The following CPSF6 variants were observed in gnomAD, a reference collection of about 807,000 sequenced individuals.
CPSF6 encodes the protein cleavage and polyadenylation specific factor 6, also known as cleavage and polyadenylation specificity factor subunit 6.
CPSF6 carries 10 observed loss-of-function variants against 56.7 expected under a neutral mutation model. The observed-to-expected ratio is 0.18, with a 90% confidence interval of 0.11 to 0.30. The LOEUF (loss-of-function observed/expected upper bound fraction) is 0.30, where lower values mean the gene tolerates loss of function less well. CPSF6 is among the 10% of genes least tolerant of loss of function. CPSF6 has a pLI of 1.00. For synonymous variants in CPSF6, 248 were observed against 244.8 expected, an observed-to-expected ratio of 1.01 and a Z score of -0.12; for missense variants, 419 against 722.9, an observed-to-expected ratio of 0.58 and a Z score of 4.82.
intron 9 of CPSF6, among the ~76,000 whole-genome samples, chr12:69,263,075 G>T (rs1872816543): frequency 8.0e-6 from 1 of 124,908 alleles, no homozygotes; most frequent in Non-Finnish European, 1.6e-5. Flanking sequence ...CATTCAAAGA[G>T]AATTTTCCTT....
In CPSF6 at chr12:69,272,250, G is replaced by A. The variant is rs181395572; in HGVS notation, c.*2742G>A. ...ATTTAATGGTCCTTTTACCTAGAAT[G>A]TTCTTAAGCAGTTAATGACAATTTG... On this transcript the variant is annotated 3_prime_UTR_variant, in exon 10 of 10. Transcript: ENST00000435070. 1 of 150,304 alleles carries A rather than the reference G, an allele frequency of 6.7e-6. No homozygotes were observed. Among genetic ancestry groups the A allele is most frequent in the Admixed American group, 6.6e-5 (1 of 15,044 alleles). 9.3% of individuals were successfully genotyped at this position (150,304 alleles called of 1,614,324 possible).
At position 69,257,924 on chromosome 12, in the gene CPSF6, T is replaced by C; in HGVS notation, c.694+19T>C. The C allele has an allele frequency of 6.3e-7, 1 of 1,588,788 alleles. No individual in the cohort carries two copies. The highest frequency in any genetic ancestry group is 8.5e-7 in the Non-Finnish European group (1 of 1,169,978). ...TTTCCAGGTAAAACTTTTCTTAAAT[T>C]ACCATGGATAAAACATGTCTACCTA... is the stretch of plus-strand genomic sequence containing the variant. On this transcript the variant is annotated intron_variant, in intron 5 of 9. Coordinates refer to ENST00000435070, the MANE Select transcript of CPSF6 (RefSeq NM_007007.3).
Position 69,261,059 on chromosome 12 carries a change from T to C in CPSF6, c.1469+862T>C, listed in dbSNP as rs146986949. Among the ~76,000 whole-genome samples the C allele has an allele frequency of 3.1e-3, 473 of 152,356 alleles. 1 individual carries two copies. The highest frequency in any genetic ancestry group is 0.011 in the African/African-American group (454 of 41,588). On this transcript the variant is annotated intron_variant, in intron 8 of 9. Coordinates refer to ENST00000435070, the MANE Select transcript of CPSF6 (RefSeq NM_007007.3). ...TTTTTTTTCTTTTTAGCATTGCTGCTAACTTTGAAATTTTATATATTTTTG... is the reference window on the plus strand; with the variant it reads ...TTTTTTTTCTTTTTAGCATTGCTGCCAACTTTGAAATTTTATATATTTTTG...
chr12:69,260,007 A>G, intron 7 of CPSF6, 37 bp from the exon 8 acceptor site: 1 of 1,601,106 alleles, frequency 6.2e-7, no homozygotes, highest in South Asian at 1.1e-5. Flanking sequence ...TGAAAACAAA[A>G]TTTGTTTGAC....
chr12:69,262,122 T>TA (rs3214839), intron 8 of CPSF6, among the ~76,000 whole-genome samples: 83,622 of 151,978 alleles, frequency 0.55, 23,259 homozygotes, highest in East Asian at 0.73. Context: ...GCTACTAGTT[T>TA]AATAGATGAT....
chr12:69,268,596 A>G (rs1196049304), intron 9 of CPSF6, among the ~76,000 whole-genome samples: 1 of 151,766 alleles, frequency 6.6e-6, no homozygotes, highest in Non-Finnish European at 1.5e-5. Context: ...TGCCCTCTTG[A>G]CTCTTAAATC....
At position 69,258,810 on chromosome 12, in the gene CPSF6, C is replaced by T. The variant is rs1290810365; in HGVS notation, c.915C>T (p.Pro305=). The stretch of plus-strand genomic sequence containing the variant: ...CACCTCCAGTTCCAGGCTACGGCCC[C>T]CCTCCTGGCCCACCACCTCCACAAC... The part of the protein sequence containing the change: ...GPPPPVPGYG[P]PPGPPPPQQG... Residue 305 remains proline (P), a synonymous_variant, in exon 6 of 10, where the codon CCC becomes CCT. Coordinates refer to ENST00000435070, the MANE Select transcript of CPSF6 (RefSeq NM_007007.3). The surrounding 1 kb of genome is among the most constrained non-coding windows in gnomAD (Gnocchi z 4.2). 1.2e-6 allele frequency: 2 copies of T among 1,613,806 alleles called. No homozygotes were observed. Among genetic ancestry groups the T allele is most frequent in the South Asian group, 1.1e-5 (1 of 91,048 alleles).
chr12:69,264,903 TG>T (rs1872899258), intron 9 of CPSF6, among the ~76,000 whole-genome samples: 1 of 152,176 alleles, frequency 6.6e-6, no homozygotes, highest in African/African-American at 2.4e-5. Context: ...AAATCTTAAA[TG>T]GACCAAATGG....
At chr12:69,245,980 C>A (rs932232780) in intron 1 of CPSF6, among the ~76,000 whole-genome samples, 3 of 152,150 alleles carry the variant, frequency 2.0e-5, no homozygotes, top group African/African-American at 7.2e-5. Context: ...CCAGCTACTT[C>A]AGAGGCTGAG....
chr12:69,259,950 T>G, intron 7 of CPSF6, 94 bp from the exon 8 acceptor site: 1 of 1,303,862 alleles, frequency 7.7e-7, no homozygotes. Flanking sequence ...CACAGTACTT[T>G]TGTAAAATGC....
chr12:69,240,973 G>A (rs1871588860), intron 1 of CPSF6, among the ~76,000 whole-genome samples: 1 of 152,164 alleles, frequency 6.6e-6, no homozygotes, highest in Non-Finnish European at 1.5e-5. Flanking sequence ...CCTATGAGAA[G>A]TTTAATGAAA....
chr12:69,255,669 C>T (rs1197089819), intron 3 of CPSF6, among the ~76,000 whole-genome samples: 5 of 152,162 alleles, frequency 3.3e-5, no homozygotes, highest in East Asian at 3.9e-4. Flanking sequence ...AGCCTCCCAG[C>T]GTGGGACTAC....
At chr12:69,247,119 A>AG (rs1871950481) in intron 1 of CPSF6, among the ~76,000 whole-genome samples, 2 of 103,894 alleles carry the variant, frequency 1.9e-5, no homozygotes, top group South Asian at 4.1e-4. Context: ...AGGGGTAATT[A>AG]GGGAAAAAAT....
In CPSF6 at chr12:69,271,156, A is replaced by G. The variant is rs891658035; in HGVS notation, c.*1648A>G. On this transcript the variant is annotated 3_prime_UTR_variant, in exon 10 of 10. Transcript: ENST00000435070. ...TTTTAAAATATTTTGTGTTTGAAGT[A>G]TCTGTGCATGGGATCGTTGATGTTT... 3.3e-5 allele frequency: 5 copies of G among 152,214 alleles called. No homozygotes were observed. The highest frequency in any genetic ancestry group is 4.8e-5 in the African/African-American group (2 of 41,430). The allele number at this position is 152,214 out of a possible 1,614,324, so 9.4% of individuals were successfully genotyped here.
At chr12:69,250,621 AGAAAT>A (rs1368326072) in intron 1 of CPSF6, among the ~76,000 whole-genome samples, 1 of 141,238 alleles carries the variant, frequency 7.1e-6, no homozygotes, top group African/African-American at 2.7e-5. Flanking sequence ...AAAAAAGAAA[AGAAAT>A]AAAGGAAACC....
rs1168862264 is a variant in CPSF6, at chr12:69,239,585, C to G, written c.-62C>G. 6.6e-7 allele frequency: 1 copy of G among 1,523,026 alleles called. No individual in the cohort carries two copies. The highest frequency in any genetic ancestry group is 8.8e-7 in the Non-Finnish European group (1 of 1,136,020). The allele number at this position is 1,523,026 out of a possible 1,614,324, so 94.3% of individuals were successfully genotyped here. On this transcript the variant is annotated 5_prime_UTR_variant, in exon 1 of 10. Coordinates refer to ENST00000435070, the MANE Select transcript of CPSF6 (RefSeq NM_007007.3). ...CCCACCGCCGCTAGATCCGCTGCTGCTGCCGCGGCGGGCAGACCTGCAGGA... is the reference window on the plus strand; with the variant it reads ...CCCACCGCCGCTAGATCCGCTGCTGGTGCCGCGGCGGGCAGACCTGCAGGA...
chr12:69,259,115 G>A (rs770489599), intron 6 of CPSF6, 21 bp downstream of exon 6: 1 of 1,579,868 alleles, frequency 6.3e-7, no homozygotes, highest in South Asian at 1.1e-5. Context: ...GTGTATCTGT[G>A]AAAGTACTTG....
Position 69,258,948 on chromosome 12 carries a change from A to G in CPSF6, c.1053A>G (p.Pro351=), listed in dbSNP as rs2231698. Residue 351 remains proline, a synonymous_variant, in exon 6 of 10, where the codon CCA becomes CCG. Transcript: ENST00000435070. This position sits in a 1 kb window ranked among gnomAD's most constrained non-coding sequence, Gnocchi z 4.2. ...TTCCTGGACCACCTCCAGGTGCCCC[A>G]CCGCCAGCTCCGCATGTGAACCCAG... The part of the protein sequence containing the change: ...PHLPGPPPGA[P]PPAPHVNPAF... 2,718 of 1,613,940 alleles carry G rather than the reference A, an allele frequency of 1.7e-3. 5 individuals are homozygous for G. Among genetic ancestry groups the G allele is most frequent in the Non-Finnish European group, 1.8e-3 (2,126 of 1,180,000 alleles).
intron 6 of CPSF6, 78 bp from the exon 7 acceptor site, chr12:69,259,350 A>T (rs960672722): frequency 2.6e-6 from 4 of 1,511,934 alleles, no homozygotes; most frequent in East Asian, 2.3e-5. Flanking sequence ...AGCAGCTAGT[A>T]TGAATTGCTA....
Sources: allele counts gnomAD v4.1 joint callset (sites outside exome capture counted in the v4.1 genomes callset), GRCh38; gene constraint gnomAD v4.1.1; non-coding constraint Gnocchi (gnomAD v3.1); transcripts MANE v1.5; gene names NCBI Gene and HGNC (gene_info 2026-07-23, HGNC 2026-07-21).